Variants in STXBP6 observed in about 807,000 individuals in gnomAD.
The protein encoded by STXBP6 is syntaxin-binding protein 6.
In STXBP6, 21 loss-of-function variants were observed where a neutral mutation model predicts 26.9. The ratio of observed to expected loss-of-function variants is 0.78; its 90% CI spans 0.55 to 1.12. The LOEUF (loss-of-function observed/expected upper bound fraction) is 1.12, where lower values mean the gene tolerates loss of function less well. Ranked by LOEUF, STXBP6 falls within the 50% of genes most tolerant of loss-of-function variation. The pLI is 0.00. For missense variants in STXBP6, 232 were observed against 257.9 expected, an observed-to-expected ratio of 0.90 and a Z score of 0.69; for synonymous variants, 97 against 92.6, an observed-to-expected ratio of 1.05 and a Z score of -0.27.
At chr14:24,930,344 T>C (rs1419440845) in intron 2 of STXBP6, among the ~76,000 whole-genome samples, 5 of 152,256 alleles carry the variant, frequency 3.3e-5, no homozygotes, top group African/African-American at 7.2e-5. Flanking sequence ...ATAAATCTTT[T>C]ATGATAAAGT....
At chr14:24,954,577 G>A (rs1008342356) in intron 2 of STXBP6, among the ~76,000 whole-genome samples, 1 of 152,324 alleles carries the variant, frequency 6.6e-6, no homozygotes, top group Admixed American at 6.5e-5. Context: ...TAAGATCTGC[G>A]TGAGAGCTGC....
intron 1 of STXBP6, among the ~76,000 whole-genome samples, chr14:25,019,809 C>T (rs1431829466): frequency 6.6e-6 from 1 of 151,028 alleles, no homozygotes; most frequent in Non-Finnish European, 1.5e-5. Flanking sequence ...TTATCACAAC[C>T]GTCAGATGTT....
intron 2 of STXBP6, among the ~76,000 whole-genome samples, chr14:24,934,218 T>C (rs1180516305): frequency 6.6e-6 from 1 of 152,198 alleles, no homozygotes; most frequent in Non-Finnish European, 1.5e-5. Context: ...TACAGGTTAA[T>C]ATAAAGACAT....
chr14:24,973,886 T>C lies in STXBP6; in HGVS notation c.154+779A>G, dbSNP rs142862364. 9.3e-4 allele frequency among the ~76,000 whole-genome samples: 142 copies of C among 152,262 alleles called. 1 individual carries two copies. Among genetic ancestry groups the C allele is most frequent in the Middle Eastern group, 3.4e-3 (1 of 294 alleles). ...TAAAGTTTTATTCCCAAAACTACAA[T>C]TGAAGGAAAGTTTTTAAAAAGATAA... On this transcript the variant is annotated intron_variant, in intron 2 of 5. Coordinates refer to ENST00000323944, the MANE Select transcript of STXBP6 (RefSeq NM_001394410.1).
intron 2 of STXBP6, among the ~76,000 whole-genome samples, chr14:24,936,663 C>A (rs765193363): frequency 1.3e-5 from 2 of 152,184 alleles, no homozygotes; most frequent in Admixed American, 6.5e-5. Context: ...AATGGTTGAA[C>A]TAATTTACAC....
rs568011457 is a variant in STXBP6, at chr14:24,865,358, G to A, written c.155-8201C>T. ...AGAGAGTTTCTAGGCTGTGGTGCAC[G>A]GAGGAATAACCCAGGAAGAGACTGG... On this transcript the variant is annotated intron_variant, in intron 2 of 5. Coordinates refer to ENST00000323944, the MANE Select transcript of STXBP6 (RefSeq NM_001394410.1). Among the ~76,000 whole-genome samples the A allele has an allele frequency of 1.1e-4, 17 of 152,206 alleles. No individual in the cohort carries two copies. The East Asian group carries it at 2.7e-3, about 24-fold the overall frequency.
intron 2 of STXBP6, among the ~76,000 whole-genome samples, chr14:24,892,225 A>G (rs1485648522): frequency 2.6e-5 from 4 of 151,940 alleles, no homozygotes; most frequent in Non-Finnish European, 5.9e-5. Context: ...AAAAGGAAAG[A>G]GGTCAGTAGA....
chr14:24,968,547 T>C (rs1410500104), intron 2 of STXBP6, among the ~76,000 whole-genome samples: 1 of 152,176 alleles, frequency 6.6e-6, no homozygotes, highest in African/African-American at 2.4e-5. Flanking sequence ...AGTAACAACC[T>C]GTAAAGAATT....
rs2075771762 is a variant in STXBP6, at chr14:25,049,428, G to A, written c.-33+450C>T. 2 of 985,394 alleles carry A rather than the reference G, an allele frequency of 2.0e-6. No individual in the cohort carries two copies. The highest frequency in any genetic ancestry group is 2.4e-6 in the Non-Finnish European group (2 of 829,930). The allele number at this position is 985,394 out of a possible 1,614,324, so 61.0% of individuals were successfully genotyped here. On this transcript the variant is annotated intron_variant, in intron 1 of 5. Coordinates refer to ENST00000323944, the MANE Select transcript of STXBP6 (RefSeq NM_001394410.1). This position sits in a 1 kb window ranked among gnomAD's most constrained non-coding sequence, Gnocchi z 5.6. ...GAAGATGCCAGAGTTCGCGAAGATC[G>A]GAGTGATTCGCGGATTTCTGCGCTC...
chr14:24,963,970 TAAAAAA>T (rs768793147), intron 2 of STXBP6, among the ~76,000 whole-genome samples: 3 of 64,692 alleles, frequency 4.6e-5, no homozygotes, highest in Non-Finnish European at 6.0e-5. Flanking sequence ...AGCAAGTTTC[TAAAAAA>T]AAAAAAAAAA....
intron 2 of STXBP6, among the ~76,000 whole-genome samples, chr14:24,974,104 GAAA>G (rs534509876): frequency 7.3e-6 from 1 of 136,954 alleles, no homozygotes; most frequent in African/African-American, 2.7e-5. Context: ...GAAAGAGAAA[GAAA>G]AAAAAAAAAC....
chr14:24,935,935 G>A (rs2072579784), intron 2 of STXBP6, among the ~76,000 whole-genome samples: 1 of 152,174 alleles, frequency 6.6e-6, no homozygotes, highest in African/African-American at 2.4e-5. Context: ...CCTTTCACAG[G>A]AGAGATCTAG....
Position 24,870,209 on chromosome 14 carries a change from C to A in STXBP6, c.155-13052G>T, listed in dbSNP as rs1295721395. 1.3e-5 allele frequency among the ~76,000 whole-genome samples: 2 copies of A among 152,146 alleles called. 1 individual carries two copies. The highest frequency in any genetic ancestry group is 2.9e-5 in the Non-Finnish European group (2 of 68,034). Reference sequence around the variant, plus strand: ...GAATTTGAGGCAGAAATCATCAACTCTGCATTGGAAGGTAACCTATATTAG... The same window carrying A: ...GAATTTGAGGCAGAAATCATCAACTATGCATTGGAAGGTAACCTATATTAG... On this transcript the variant is annotated intron_variant, in intron 2 of 5. Transcript: ENST00000323944.
intron 2 of STXBP6, among the ~76,000 whole-genome samples, chr14:24,956,402 A>G (rs1017034783): frequency 1.3e-5 from 2 of 152,240 alleles, no homozygotes; most frequent in Admixed American, 6.5e-5. Context: ...TAATGGTAGA[A>G]TAAAATCCAA....
intron 2 of STXBP6, among the ~76,000 whole-genome samples, chr14:24,922,469 C>T (rs1033346240): frequency 6.6e-6 from 1 of 152,090 alleles, no homozygotes; most frequent in Non-Finnish European, 1.5e-5. Context: ...AAGGGTATAT[C>T]TTCCTCTTGC....
intron 1 of STXBP6, among the ~76,000 whole-genome samples, chr14:25,044,210 T>C (rs2075689723): frequency 6.7e-6 from 1 of 150,028 alleles, no homozygotes; most frequent in East Asian, 2.0e-4. Context: ...ACGGCTGCTA[T>C]GAATATTCAT....
intron 1 of STXBP6, among the ~76,000 whole-genome samples, chr14:24,998,350 A>C (rs1181037893): frequency 6.6e-6 from 1 of 152,238 alleles, no homozygotes; most frequent in Non-Finnish European, 1.5e-5. Context: ...ATATATTCTT[A>C]CGCATATATT....
At chr14:24,947,528 C>T (rs1161474062) in intron 2 of STXBP6, among the ~76,000 whole-genome samples, 1 of 152,160 alleles carries the variant, frequency 6.6e-6, no homozygotes, top group Non-Finnish European at 1.5e-5. Flanking sequence ...GGTAAGAAGT[C>T]AGGAATGAGA....
chr14:24,951,025 T>C (rs1024932907), intron 2 of STXBP6, among the ~76,000 whole-genome samples: 4 of 152,198 alleles, frequency 2.6e-5, no homozygotes, highest in Non-Finnish European at 4.4e-5. Context: ...TTGCTAACAA[T>C]GATGGTTTCC....
Sources: gnomAD v4.1 joint callset for allele counts (sites outside exome capture counted in the v4.1 genomes callset) on GRCh38, gnomAD v4.1.1 for gene constraint, Gnocchi (gnomAD v3.1) non-coding constraint, MANE v1.5 for transcripts, NCBI Gene and HGNC (gene_info 2026-07-23, HGNC 2026-07-21) for gene names.